The following SLC30A3 variants were observed in gnomAD, a reference collection of about 807,000 sequenced individuals.
SLC30A3 encodes the protein probable proton-coupled zinc antiporter SLC30A3.
A neutral mutation model predicts 35.6 loss-of-function variants in SLC30A3; 20 were observed. The ratio of observed to expected loss-of-function variants is 0.56; its 90% CI spans 0.39 to 0.82. SLC30A3 has a LOEUF of 0.82. Ranked by LOEUF, SLC30A3 falls within the 40% of genes least tolerant of loss-of-function variation. The pLI, the probability that SLC30A3 is intolerant of heterozygous loss-of-function variation, is 0.00. For synonymous variants in SLC30A3, 217 were observed against 224.7 expected (o/e 0.97, Z 0.31); for missense variants, 401 against 530.6 (o/e 0.76, Z 2.40).
intron 1 of SLC30A3, among the ~76,000 whole-genome samples, chr2:27,260,258 T>C (rs1433696098): frequency 6.6e-6 from 1 of 152,134 alleles, no homozygotes; most frequent in Non-Finnish European, 1.5e-5. Flanking sequence ...ATGGCTAGAT[T>C]CCAGAGCTGG....
At position 27,258,721 on chromosome 2, in the gene SLC30A3, G is replaced by A; in HGVS notation, c.277+32C>T. On this transcript the variant is annotated intron_variant, in intron 2 of 7. Transcript: ENST00000233535. The surrounding 1 kb of genome is among the most constrained non-coding windows in gnomAD (Gnocchi z 4.0). ...AGAGTGGCTTGGGCAGGTATTTGGA[G>A]AATGGGGTTTAAGGGCTGCTCCCCA... 1 of 1,611,410 alleles carries A rather than the reference G, an allele frequency of 6.2e-7. No individual in the cohort carries two copies. Among genetic ancestry groups the A allele is most frequent in the Non-Finnish European group, 8.5e-7 (1 of 1,177,968 alleles).
At position 27,256,772 on chromosome 2, in the gene SLC30A3, G is replaced by C. The variant is rs1676880731; in HGVS notation, c.883+16C>G. 1 of 1,563,222 alleles carries C rather than the reference G, an allele frequency of 6.4e-7. No homozygotes were observed. The stretch of plus-strand genomic sequence containing the variant: ...GAGAGGGCCACAGGGATGGGGAGCT[G>C]TGGTGCCCGACTCACCTTCCATGAG... On this transcript the variant is annotated intron_variant, in intron 6 of 7. Transcript: ENST00000233535.
chr2:27,257,804 G>T lies in SLC30A3; in HGVS notation c.578+101C>A. On this transcript the variant is annotated intron_variant, in intron 4 of 7. Transcript: ENST00000233535. This position sits in a 1 kb window ranked among gnomAD's most constrained non-coding sequence, Gnocchi z 4.7. ...AGCCCATGGAGAGCTGTGTGTGCGT[G>T]TCTGTGTGTCTGGTGGGGAGGAGAG... 2 of 1,197,710 alleles carry T rather than the reference G, an allele frequency of 1.7e-6. No homozygotes were observed. The highest frequency in any genetic ancestry group is 2.4e-6 in the Non-Finnish European group (2 of 839,530). The allele number at this position is 1,197,710 out of a possible 1,614,324, so 74.2% of individuals were successfully genotyped here.
intron 1 of SLC30A3, among the ~76,000 whole-genome samples, chr2:27,268,600 A>C (rs1677596700): frequency 6.6e-6 from 1 of 152,130 alleles, no homozygotes; most frequent in Non-Finnish European, 1.5e-5. Context: ...AAAAACACAA[A>C]AAATTAGCCA....
intron 1 of SLC30A3, among the ~76,000 whole-genome samples, chr2:27,260,862 G>A (rs576060939): frequency 4.6e-5 from 7 of 152,310 alleles, no homozygotes; most frequent in African/African-American, 1.4e-4. Context: ...AGGAGATGGC[G>A]TGGTGAAGGA....
chr2:27,268,093 T>C (rs1271304179), intron 1 of SLC30A3, among the ~76,000 whole-genome samples: 1 of 152,208 alleles, frequency 6.6e-6, no homozygotes, highest in Non-Finnish European at 1.5e-5. Flanking sequence ...CTTGCCAGAA[T>C]GTAAGCTCCA....
Position 27,255,060 on chromosome 2 carries a change from G to A in SLC30A3, c.*252C>T. On this transcript the variant is annotated 3_prime_UTR_variant, in exon 8 of 8. Transcript: ENST00000233535. This position sits in a 1 kb window ranked among gnomAD's most constrained non-coding sequence, Gnocchi z 5.2. ...GGCCTTCAACACACCCTGCCACACT[G>A]AGGCCTGGGAGTCCCCGCCCCTGAA... 2 of 1,436,722 alleles carry A rather than the reference G, an allele frequency of 1.4e-6. No individual in the cohort carries two copies. Among genetic ancestry groups the A allele is most frequent in the Non-Finnish European group, 1.8e-6 (2 of 1,088,152 alleles). 89.0% of individuals were successfully genotyped at this position (1,436,722 alleles called of 1,614,324 possible). A position where few individuals can be genotyped will look rare whatever the true frequency, so the allele number is the denominator to read the frequency against.
At chr2:27,274,050 C>A (rs1459860185) in intron 1 of SLC30A3, among the ~76,000 whole-genome samples, 1 of 152,204 alleles carries the variant, frequency 6.6e-6, no homozygotes, top group African/African-American at 2.4e-5. Context: ...GGGGCTGGCG[C>A]AATGGCTCAC....
At chr2:27,274,770 A>C (rs527707714) in intron 1 of SLC30A3, among the ~76,000 whole-genome samples, 15 of 152,356 alleles carry the variant, frequency 9.8e-5, no homozygotes, top group African/African-American at 3.6e-4. Context: ...ACATTTGTTC[A>C]AGGATTTCTG....
At chr2:27,270,506 C>T (rs1338484124) in intron 1 of SLC30A3, among the ~76,000 whole-genome samples, 1 of 151,838 alleles carries the variant, frequency 6.6e-6, no homozygotes, top group Non-Finnish European at 1.5e-5. Context: ...TTCCCAGCGA[C>T]AAAATGAAAT....
rs1558555489 is a variant in SLC30A3, at chr2:27,255,494, C to T, written c.1019-34G>A. The stretch of plus-strand genomic sequence containing the variant: ...GAGTGATAAGAGGCGGCATCCATCC[C>T]GGGGGAGAAAGAACAGGCAGGGACT... On this transcript the variant is annotated intron_variant, in intron 7 of 7. Transcript: ENST00000233535. The surrounding 1 kb of genome is among the most constrained non-coding windows in gnomAD (Gnocchi z 5.2). 4 of 1,605,676 alleles carry T rather than the reference C, an allele frequency of 2.5e-6. No individual in the cohort carries two copies. The highest frequency in any genetic ancestry group is 1.3e-5 in the African/African-American group (1 of 74,848).
chr2:27,256,146 A>G, intron 7 of SLC30A3: 1 of 549,694 alleles, frequency 1.8e-6, no homozygotes. Context: ...GTGCTACTTC[A>G]AAGAGGGTGA....
upstream of SLC30A3, chr2:27,264,091 TG>T (rs1270417165): frequency 7.8e-7 from 1 of 1,283,186 alleles, no homozygotes; most frequent in Non-Finnish European, 1.0e-6. The surrounding 1 kb of genome is among the most constrained non-coding windows in gnomAD (Gnocchi z 6.1). Flanking sequence ...CACTGTAGAA[TG>T]GGAGGGGGTG....
chr2:27,268,836 C>T (rs1389506606), intron 1 of SLC30A3, among the ~76,000 whole-genome samples: 3 of 152,058 alleles, frequency 2.0e-5, no homozygotes, highest in Admixed American at 2.0e-4. Context: ...GTTTTGCATC[C>T]TGTGTGATGC....
upstream of SLC30A3, chr2:27,263,904 T>G: frequency 7.6e-6 from 4 of 523,128 alleles, no homozygotes; most frequent in South Asian, 1.5e-5. Context: ...CGGGGCAGCG[T>G]GTCAGCTAGT....
chr2:27,262,832 T>A lies in SLC30A3; in HGVS notation c.75A>T (p.Gly25=). ...CCTACCTCTTCAAACGCAGGCTGCCTCCGGCGCCACCGCGGTCCCGGGGGC... is the reference window on the plus strand; with the variant it reads ...CCTACCTCTTCAAACGCAGGCTGCCACCGGCGCCACCGCGGTCCCGGGGGC... ...LVSPRDRGGA[G]GSLRLKSLFT... is the part of the protein sequence containing the mutation. Residue 25 remains glycine (G), a synonymous_variant, in exon 1 of 8, where the codon GGA becomes GGT. Coordinates refer to ENST00000233535, the MANE Select transcript of SLC30A3 (RefSeq NM_003459.5). This position sits in a 1 kb window ranked among gnomAD's most constrained non-coding sequence, Gnocchi z 7.5. The A allele has an allele frequency of 6.4e-7, 1 of 1,567,034 alleles. No individual in the cohort carries two copies. Among genetic ancestry groups the A allele is most frequent in the South Asian group, 1.2e-5 (1 of 86,138 alleles).
intron 1 of SLC30A3, among the ~76,000 whole-genome samples, chr2:27,269,186 TTTTTTC>T (rs1194736947): frequency 8.6e-5 from 13 of 150,680 alleles, no homozygotes; most frequent in South Asian, 2.1e-4. Flanking sequence ...GTGTGGTTTT[TTTTTTC>T]TTTTTCTTTT....
At chr2:27,259,058 G>A in intron 1 of SLC30A3, 124 bp from the exon 2 acceptor site, 1 of 741,028 alleles carries the variant, frequency 1.3e-6, no homozygotes, top group Non-Finnish European at 2.2e-6. Flanking sequence ...TCGTATCTGG[G>A]AGCTGCATCG....
chr2:27,262,736 CGA>C lies in SLC30A3; in HGVS notation c.95+74_95+75del, dbSNP rs906828152. The C allele has an allele frequency of 2.9e-6, 4 of 1,373,908 alleles. No individual in the cohort carries two copies. Among genetic ancestry groups the C allele is most frequent in the Middle Eastern group, 1.9e-4 (1 of 5,378 alleles). 85.1% of individuals were successfully genotyped at this position (1,373,908 alleles called of 1,614,324 possible). A position where few individuals can be genotyped will look rare whatever the true frequency, so the allele number is the denominator to read the frequency against. On this transcript the variant is annotated intron_variant, in intron 1 of 7. Coordinates refer to ENST00000233535, the MANE Select transcript of SLC30A3 (RefSeq NM_003459.5). The surrounding 1 kb of genome is among the most constrained non-coding windows in gnomAD (Gnocchi z 7.5). ...CTGGGGCGGCCGCCGGGGCCCGCGC[CGA>C]GAGAGACAACGAAATGGACGGAGGG...
Sources: gnomAD v4.1 joint callset for allele counts (sites outside exome capture counted in the v4.1 genomes callset) on GRCh38, gnomAD v4.1.1 for gene constraint, Gnocchi (gnomAD v3.1) non-coding constraint, MANE v1.5 for transcripts, NCBI Gene and HGNC (gene_info 2026-07-23, HGNC 2026-07-21) for gene names.